The following IMMP2L variants were observed in gnomAD, a reference collection of about 807,000 sequenced individuals.
The protein encoded by IMMP2L is mitochondrial inner membrane protease subunit 2.
IMMP2L carries 18 observed loss-of-function variants against 19.3 expected under a neutral mutation model. The observed-to-expected ratio is 0.93, with a 90% CI of 0.64 to 1.38. The LOEUF (loss-of-function observed/expected upper bound fraction) is 1.38, where lower values mean the gene tolerates loss of function less well. IMMP2L is among the 40% of genes most tolerant of loss of function. The pLI, the probability that IMMP2L is intolerant of heterozygous loss-of-function variation, is 0.00. For missense variants in IMMP2L, 233 were observed against 218.2 expected (o/e 1.07, Z -0.43); for synonymous variants, 76 against 73.0 (o/e 1.04, Z -0.21).
At chr7:111,452,382 C>T (rs1430926486) in intron 3 of IMMP2L, among the ~76,000 whole-genome samples, 1 of 152,068 alleles carries the variant, frequency 6.6e-6, no homozygotes, top group Non-Finnish European at 1.5e-5. Context: ...CCTAAGCAAA[C>T]CATAGTTACA....
At chr7:111,077,209 T>G (rs1345380183) in intron 3 of IMMP2L, among the ~76,000 whole-genome samples, 1 of 152,260 alleles carries the variant, frequency 6.6e-6, no homozygotes, top group Non-Finnish European at 1.5e-5. Context: ...GAATCTCCCT[T>G]CAGGGAAATA....
chr7:110,693,495 T>C (rs1274699124), intron 5 of IMMP2L, among the ~76,000 whole-genome samples: 1 of 152,230 alleles, frequency 6.6e-6, no homozygotes, highest in Non-Finnish European at 1.5e-5. Context: ...ATTTACTCAC[T>C]AGGCTATGAA....
At chr7:111,545,924 C>G (rs1483925118) in intron 1 of IMMP2L, among the ~76,000 whole-genome samples, 1 of 152,100 alleles carries the variant, frequency 6.6e-6, no homozygotes, top group Non-Finnish European at 1.5e-5. Context: ...TAATTCCCTC[C>G]AGAAATATTC....
chr7:111,234,465 T>C (rs953011072), intron 3 of IMMP2L, among the ~76,000 whole-genome samples: 1 of 152,184 alleles, frequency 6.6e-6, no homozygotes, highest in African/African-American at 2.4e-5. Flanking sequence ...TCAAGTATTT[T>C]GATGCTGTTA....
chr7:111,066,065 G>A (rs929117640), intron 3 of IMMP2L, among the ~76,000 whole-genome samples: 6 of 146,238 alleles, frequency 4.1e-5, no homozygotes, highest in Admixed American at 2.1e-4. Flanking sequence ...TGCAACCTCC[G>A]CCTCCTGGGT....
intron 3 of IMMP2L, among the ~76,000 whole-genome samples, chr7:111,136,114 G>C (rs1052508450): frequency 6.6e-5 from 10 of 151,002 alleles, no homozygotes; most frequent in Admixed American, 2.6e-4. Flanking sequence ...CTGCAACCTC[G>C]GCCTCCTGGG....
chr7:111,342,840 C>T (rs749187206), intron 3 of IMMP2L, among the ~76,000 whole-genome samples: 3 of 151,972 alleles, frequency 2.0e-5, no homozygotes, highest in Non-Finnish European at 4.4e-5. Context: ...ATACACGAAT[C>T]TCTAAAAAGT....
At chr7:111,537,384 T>C (rs150830477) in intron 1 of IMMP2L, among the ~76,000 whole-genome samples, 1 of 152,162 alleles carries the variant, frequency 6.6e-6, no homozygotes, top group East Asian at 1.9e-4. Context: ...AAGTGAGCAT[T>C]CATGAAAAAA....
chr7:111,069,993 G>A (rs557637684), intron 3 of IMMP2L, among the ~76,000 whole-genome samples: 7 of 152,210 alleles, frequency 4.6e-5, no homozygotes, highest in African/African-American at 1.7e-4. Flanking sequence ...TTCAAAGACA[G>A]TCCATATATA....
intron 3 of IMMP2L, among the ~76,000 whole-genome samples, chr7:111,430,099 C>G (rs746940533): frequency 6.6e-6 from 1 of 151,844 alleles, no homozygotes; most frequent in East Asian, 1.9e-4. Flanking sequence ...GATACTCATC[C>G]TCTCATCCAT....
intron 4 of IMMP2L, among the ~76,000 whole-genome samples, chr7:110,923,397 G>A (rs554555619): frequency 6.6e-6 from 1 of 152,098 alleles, no homozygotes; most frequent in Admixed American, 6.6e-5. Flanking sequence ...TAAAGACAAT[G>A]TATATATGCA....
chr7:110,895,984 G>A (rs190016358), intron 4 of IMMP2L, among the ~76,000 whole-genome samples: 5 of 151,748 alleles, frequency 3.3e-5, no homozygotes, highest in East Asian at 1.9e-4. Flanking sequence ...ACCATGCCCC[G>A]CTAATTAAAA....
intron 3 of IMMP2L, among the ~76,000 whole-genome samples, chr7:111,320,656 T>C (rs1288959521): frequency 6.6e-6 from 1 of 151,978 alleles, no homozygotes; most frequent in African/African-American, 2.4e-5. Context: ...CAATTTGAAA[T>C]TACTCAGTTA....
intron 2 of IMMP2L, among the ~76,000 whole-genome samples, chr7:111,516,357 G>A (rs1288929183): frequency 6.6e-6 from 1 of 151,744 alleles, no homozygotes; most frequent in Admixed American, 6.6e-5. Flanking sequence ...AGAGGGAGAG[G>A]AAGAGGAGGG....
rs149333649 is a variant in IMMP2L, at chr7:111,318,506, T to G, written c.239+168732A>C. Among the ~76,000 whole-genome samples, 17 of 152,228 alleles carry G rather than the reference T, an allele frequency of 1.1e-4. No individual in the cohort carries two copies. In the East Asian group the frequency reaches 1.5e-3, roughly 14 times the overall value. On this transcript the variant is annotated intron_variant, in intron 3 of 5. Transcript: ENST00000405709. ...AAATCATCATCATCATTAAGAAGCCTCAGATCAGATGTAACCTATAGCAGA... is the reference window on the plus strand; with the variant it reads ...AAATCATCATCATCATTAAGAAGCCGCAGATCAGATGTAACCTATAGCAGA...
chr7:111,382,340 T>C lies in IMMP2L; in HGVS notation c.239+104898A>G, dbSNP rs572953022. Among the ~76,000 whole-genome samples the C allele has an allele frequency of 5.3e-4, 80 of 151,126 alleles. No individual in the cohort carries two copies. In the South Asian group the frequency reaches 5.6e-3, roughly 11 times the overall value. ...ATAATTTCAGAGAAGCATTGAAAAG[T>C]ATACACAATGCCAGAAAAAAAATCA... On this transcript the variant is annotated intron_variant, in intron 3 of 5. Coordinates refer to ENST00000405709, the MANE Select transcript of IMMP2L (RefSeq NM_032549.4).
intron 5 of IMMP2L, among the ~76,000 whole-genome samples, chr7:110,862,325 C>A (rs1807527688): frequency 6.6e-6 from 1 of 151,238 alleles, no homozygotes. Context: ...TTTTTAAAGT[C>A]ATATTGTTTT....
intron 3 of IMMP2L, among the ~76,000 whole-genome samples, chr7:111,227,268 A>C (rs1012326608): frequency 5.3e-5 from 8 of 152,044 alleles, no homozygotes; most frequent in African/African-American, 1.9e-4. Context: ...TTCTTCCATT[A>C]CCACTACTTT....
At chr7:111,391,224 C>A (rs1832324914) in intron 3 of IMMP2L, among the ~76,000 whole-genome samples, 1 of 152,046 alleles carries the variant, frequency 6.6e-6, no homozygotes, top group Admixed American at 6.6e-5. Flanking sequence ...TCAGGAGCAG[C>A]TCTCTTGCTG....
Sources: allele counts gnomAD v4.1 joint callset (sites outside exome capture counted in the v4.1 genomes callset), GRCh38; gene constraint gnomAD v4.1.1; transcripts MANE v1.5; gene names NCBI Gene and HGNC (gene_info 2026-07-23, HGNC 2026-07-21).